The following NEBL variants were observed in gnomAD, a reference collection of about 807,000 sequenced individuals.
The protein encoded by NEBL is nebulette.
A neutral mutation model predicts 140.2 loss-of-function variants in NEBL; 122 were observed. That is an observed-to-expected ratio of 0.87 (90% CI 0.75 to 1.01). NEBL has a LOEUF of 1.01. Ranked by LOEUF, NEBL falls within the 50% of genes least tolerant of loss-of-function variation. The probability of loss-of-function intolerance (pLI) is 0.00; values close to 1 mark genes in which losing one functional copy is unlikely to be tolerated. For synonymous variants in NEBL, 436 were observed against 398.9 expected (o/e 1.09, Z -1.11); for missense variants, 1,365 against 1,231.3 (o/e 1.11, Z -1.62).
chr10:21,041,064 C>A (rs1482375792), intron 2 of NEBL, among the ~76,000 whole-genome samples: 1 of 152,154 alleles, frequency 6.6e-6, no homozygotes. Context: ...CACTTTCCAA[C>A]TTTTATTTTA....
chr10:21,045,418 G>T (rs558210602), intron 2 of NEBL, among the ~76,000 whole-genome samples: 12 of 152,278 alleles, frequency 7.9e-5, no homozygotes, highest in African/African-American at 2.9e-4. Context: ...ATTGACTCCA[G>T]TGCTCAAAAA....
chr10:20,874,356 T>G (rs546803900), intron 5 of NEBL, among the ~76,000 whole-genome samples: 2 of 152,294 alleles, frequency 1.3e-5, no homozygotes, highest in South Asian at 4.1e-4. Flanking sequence ...TTGGAAACCA[T>G]GATTAATGAA....
intron 3 of NEBL, among the ~76,000 whole-genome samples, chr10:21,237,617 T>C (rs1842374778): frequency 6.6e-6 from 1 of 151,896 alleles, no homozygotes; most frequent in Non-Finnish European, 1.5e-5. Context: ...CCTGATGTTC[T>C]TTTTTGTGAG....
chr10:20,932,006 T>G (rs1024838219), intron 4 of NEBL, among the ~76,000 whole-genome samples: 7 of 152,158 alleles, frequency 4.6e-5, no homozygotes, highest in African/African-American at 1.7e-4. Context: ...ACTCACCCAT[T>G]TACTAGAAAC....
intron 4 of NEBL, among the ~76,000 whole-genome samples, chr10:20,950,957 G>A (rs778159628): frequency 9.2e-5 from 14 of 152,064 alleles, no homozygotes; most frequent in Non-Finnish European, 1.8e-4. Context: ...ATGATACAAA[G>A]CTTAATTCAA....
At chr10:21,115,897 A>G (rs921609481) in intron 2 of NEBL, among the ~76,000 whole-genome samples, 8 of 151,768 alleles carry the variant, frequency 5.3e-5, no homozygotes, top group African/African-American at 1.7e-4. Flanking sequence ...ATGATGGGCT[A>G]TTTTCTACGG....
chr10:21,117,015 T>C (rs184747073), intron 2 of NEBL, among the ~76,000 whole-genome samples: 4 of 152,196 alleles, frequency 2.6e-5, no homozygotes, highest in Admixed American at 2.6e-4. Context: ...ATATACATGT[T>C]ACTTTGTTGG....
intron 17 of NEBL, among the ~76,000 whole-genome samples, chr10:20,827,612 C>G (rs373558661): frequency 2.0e-5 from 3 of 152,274 alleles, no homozygotes; most frequent in African/African-American, 7.2e-5. Flanking sequence ...TTAATGGACT[C>G]AGCCTCTTAA....
chr10:21,126,582 G>C lies in NEBL; in HGVS notation c.164+45801C>G, dbSNP rs189318680. ...AGCTACAACTAAAAGGAATCATAAAGACCAACTAACCCAATTATTTAAAGA... is the reference window on the plus strand; with the variant it reads ...AGCTACAACTAAAAGGAATCATAAACACCAACTAACCCAATTATTTAAAGA... On this transcript the variant is annotated intron_variant, in intron 2 of 6. Coordinates refer to the NEBL transcript ENST00000417816. Among the ~76,000 whole-genome samples, 6 of 152,186 alleles carry C rather than the reference G, an allele frequency of 3.9e-5. No individual in the cohort carries two copies. The East Asian group carries it at 1.2e-3, about 29-fold the overall frequency.
chr10:21,286,724 C>T (rs1017475901), intron 1 of NEBL, among the ~76,000 whole-genome samples: 3 of 152,056 alleles, frequency 2.0e-5, no homozygotes, highest in Non-Finnish European at 4.4e-5. Flanking sequence ...GTCCCAGTTA[C>T]TCGGGAGGCT....
At position 20,801,612 on chromosome 10, in the gene NEBL, G is replaced by A. The variant is rs915716907; in HGVS notation, c.2761+6898C>T. On this transcript the variant is annotated intron_variant, in intron 26 of 27. Coordinates refer to ENST00000377122, the MANE Select transcript of NEBL (RefSeq NM_006393.3). ...TGTGAGCTCTCTAAAAACAGTACCC[G>A]TTTCTTTTATTTTTGTGTTCCCAGT... 1.5e-4 allele frequency among the ~76,000 whole-genome samples: 23 copies of A among 151,948 alleles called. 1 individual carries two copies. The highest frequency in any genetic ancestry group is 5.1e-4 in the African/African-American group (21 of 41,346).
At chr10:20,971,519 A>T (rs1836569103) in intron 3 of NEBL, among the ~76,000 whole-genome samples, 1 of 150,810 alleles carries the variant, frequency 6.6e-6, no homozygotes, top group South Asian at 2.1e-4. Context: ...ATATGTATAC[A>T]TGTGCCATGC....
At chr10:20,992,612 G>A (rs1486808751) in intron 3 of NEBL, among the ~76,000 whole-genome samples, 2 of 151,956 alleles carry the variant, frequency 1.3e-5, no homozygotes, top group Non-Finnish European at 2.9e-5. Flanking sequence ...TGCACTTTGA[G>A]AGCCCTATCC....
At chr10:21,238,883 G>A (rs1003411219) in intron 3 of NEBL, among the ~76,000 whole-genome samples, 2 of 152,050 alleles carry the variant, frequency 1.3e-5, no homozygotes, top group African/African-American at 4.8e-5. Context: ...GATTTGGAAG[G>A]TTCAAGTTAC....
intron 2 of NEBL, chr10:21,110,563 T>C (rs908341474): frequency 9.4e-6 from 2 of 211,858 alleles, no homozygotes; most frequent in African/African-American, 4.7e-5. Context: ...TATTCAGCGA[T>C]TTTCATACTC....
intron 26 of NEBL, among the ~76,000 whole-genome samples, chr10:20,807,942 T>C (rs1165497097): frequency 6.7e-6 from 1 of 149,848 alleles, no homozygotes; most frequent in African/African-American, 2.5e-5. Context: ...GTATATAAAA[T>C]AGTGACAAGA....
At position 20,888,144 on chromosome 10, in the gene NEBL, T is replaced by C. The variant is rs2131360946; in HGVS notation, c.322A>G (p.Thr108Ala). ...TCTCCTGCAAAAACACTGTCAATTG[T>C]GGCTGGCATCCGCTTATAAAGAGAA... ...SNSLYKRMPA[T>A]IDSVFAGEVT... is the part of the protein sequence containing the mutation. The change falls in exon 4 of 28, where the codon ACA (threonine) becomes GCA (alanine). Residue 108 changes from threonine (T) to alanine (A), a missense_variant. Thr to Ala is a moderately conservative substitution (Grantham distance 58). This residue lies in a region of NEBL where 1,323 missense variants were observed against 1,154.8 expected (regional missense o/e 1.15). Coordinates refer to ENST00000377122, the MANE Select transcript of NEBL (RefSeq NM_006393.3). 6.2e-7 allele frequency: 1 copy of C among 1,613,958 alleles called. No homozygotes were observed. Among genetic ancestry groups the C allele is most frequent in the Non-Finnish European group, 8.5e-7 (1 of 1,179,894 alleles).
chr10:20,925,424 T>C (rs541247807), intron 4 of NEBL, among the ~76,000 whole-genome samples: 2 of 152,048 alleles, frequency 1.3e-5, no homozygotes, highest in Non-Finnish European at 2.9e-5. Flanking sequence ...CCTCCCTCCA[T>C]CCCCCTTGTA....
At chr10:21,076,023 G>C (rs1303091634) in intron 2 of NEBL, among the ~76,000 whole-genome samples, 2 of 152,064 alleles carry the variant, frequency 1.3e-5, no homozygotes, top group Non-Finnish European at 2.9e-5. Context: ...TTTTAAAACA[G>C]GAGGAAAATA....
Sources: gnomAD v4.1 joint callset for allele counts (sites outside exome capture counted in the v4.1 genomes callset) on GRCh38, gnomAD v4.1.1 for gene constraint, gnomAD v4.1.1 regional missense constraint, MANE v1.5 for transcripts, NCBI Gene and HGNC (gene_info 2026-07-23, HGNC 2026-07-21) for gene names.